Variants in LARGE1 observed in about 807,000 individuals in gnomAD.
LARGE1 encodes the protein LARGE xylosyl- and glucuronyltransferase 1.
Under a neutral mutation model 87.6 loss-of-function variants are expected in LARGE1, and 43 were observed. The ratio of observed to expected loss-of-function variants is 0.49; its 90% CI spans 0.38 to 0.63. The LOEUF is 0.63. LARGE1 is among the 30% of genes least tolerant of loss of function. LARGE1 has a pLI of 0.00. For missense variants in LARGE1, 802 were observed against 1,000.2 expected (o/e 0.80, Z 2.67); for synonymous variants, 434 against 394.6 (o/e 1.10, Z -1.18).
rs541485023 is a variant in LARGE1 at position 33,399,139 on chromosome 22, C to T, written c.893-14835G>A. ...TCCTAATTCTCTCCCTCCGCTTCCCCCCGCCCCGACCAAGAGGCCCCCATG... is the reference window on the plus strand; with the variant it reads ...TCCTAATTCTCTCCCTCCGCTTCCCTCCGCCCCGACCAAGAGGCCCCCATG... On this transcript the variant is annotated intron_variant, in intron 7 of 14. Coordinates refer to ENST00000397394, the MANE Select transcript of LARGE1 (RefSeq NM_133642.5). Among the ~76,000 whole-genome samples, 4 of 152,186 alleles carry T rather than the reference C, an allele frequency of 2.6e-5. No individual in the cohort carries two copies. The South Asian group carries it at 8.3e-4, about 32-fold the overall frequency.
chr22:33,330,135 C>T (rs926007382), intron 10 of LARGE1, among the ~76,000 whole-genome samples: 25 of 152,190 alleles, frequency 1.6e-4, no homozygotes, highest in African/African-American at 5.8e-4. Flanking sequence ...TTTCCAATAG[C>T]AGAGTAAGCT....
At chr22:33,875,647 T>C (rs1301604604) in intron 1 of LARGE1, among the ~76,000 whole-genome samples, 2 of 152,204 alleles carry the variant, frequency 1.3e-5, no homozygotes, top group Non-Finnish European at 2.9e-5. Flanking sequence ...AGGTGACCGA[T>C]GAATTTAGCT....
intron 6 of LARGE1, among the ~76,000 whole-genome samples, chr22:33,544,504 T>C (rs1159521804): frequency 6.6e-6 from 1 of 152,044 alleles, no homozygotes; most frequent in Non-Finnish European, 1.5e-5. Flanking sequence ...CTGGCCAACA[T>C]GGTGAAACTC....
At chr22:33,440,866 C>G (rs1299423687) in intron 6 of LARGE1, among the ~76,000 whole-genome samples, 1 of 152,140 alleles carries the variant, frequency 6.6e-6, no homozygotes. Context: ...GGATCACAGA[C>G]AGTCAGATGA....
At chr22:33,231,386 C>T (rs768702123) in intron 11 of LARGE1, among the ~76,000 whole-genome samples, 13 of 152,182 alleles carry the variant, frequency 8.5e-5, no homozygotes, top group Non-Finnish European at 1.5e-4. Flanking sequence ...CTTTGTACTT[C>T]AATACCTAAC....
At chr22:33,613,065 A>G (rs1187430453) in intron 4 of LARGE1, among the ~76,000 whole-genome samples, 1 of 152,164 alleles carries the variant, frequency 6.6e-6, no homozygotes, top group African/African-American at 2.4e-5. Flanking sequence ...AGCTTGCCTG[A>G]GAATATACAA....
the LARGE1 span, among the ~76,000 whole-genome samples, chr22:33,095,504 A>T: frequency 1.3e-5 from 2 of 152,184 alleles, no homozygotes; most frequent in African/African-American, 4.8e-5. Context: ...CTATTTCCAA[A>T]TGAGGTCATA....
chr22:33,342,941 C>CATAGAAT lies in LARGE1; in HGVS notation c.1132-5147_1132-5141dup, dbSNP rs1471923590. On this transcript the variant is annotated intron_variant, in intron 9 of 14. Coordinates refer to ENST00000397394, the MANE Select transcript of LARGE1 (RefSeq NM_133642.5). ...GCACCTGAGTTTTTAATCATCAGGA[C>CATAGAAT]ATAGAATACTCCATTACCTTGTGCT... Among the ~76,000 whole-genome samples the CATAGAAT allele has an allele frequency of 2.0e-5, 3 of 152,308 alleles. No homozygotes were observed. The East Asian group carries it at 5.8e-4, about 29-fold the overall frequency.
At chr22:33,554,521 G>A (rs743258) in intron 6 of LARGE1, among the ~76,000 whole-genome samples, 6,565 of 151,992 alleles carry the variant, frequency 0.043, 285 homozygotes, top group African/African-American at 0.11. Context: ...GTCCAAAACC[G>A]AACTCGCCGT....
chr22:33,485,240 G>A (rs150610451), intron 6 of LARGE1, among the ~76,000 whole-genome samples: 2,452 of 146,920 alleles, frequency 0.017, 22 homozygotes, highest in Non-Finnish European at 0.027. Context: ...TTGAGACAGA[G>A]TCTTGCTCTG....
chr22:33,367,261 T>C (rs1001223), intron 9 of LARGE1, among the ~76,000 whole-genome samples: 31,870 of 151,974 alleles, frequency 0.21, 8,147 homozygotes, highest in African/African-American at 0.61. Flanking sequence ...TGGAATTAGG[T>C]GCCCCTATTC....
At chr22:33,662,607 T>C (rs1475843958) in intron 2 of LARGE1, among the ~76,000 whole-genome samples, 1 of 151,926 alleles carries the variant, frequency 6.6e-6, no homozygotes, top group Non-Finnish European at 1.5e-5. Flanking sequence ...ATGGGGCTGG[T>C]AAAAAGAGGA....
intron 2 of LARGE1, among the ~76,000 whole-genome samples, chr22:33,675,293 A>AC: frequency 4.0e-5 from 1 of 24,874 alleles, no homozygotes; most frequent in East Asian, 1.2e-3. Context: ...AAACTCCATC[A>AC]AAAAAAAAAA....
At chr22:33,403,731 G>A (rs184115889) in intron 7 of LARGE1, among the ~76,000 whole-genome samples, 1 of 152,160 alleles carries the variant, frequency 6.6e-6, no homozygotes, top group African/African-American at 2.4e-5. Flanking sequence ...AGCCTCCCGA[G>A]TAGCTGGGAT....
intron 2 of LARGE1, among the ~76,000 whole-genome samples, chr22:33,708,805 C>T (rs368401812): frequency 6.6e-6 from 1 of 152,112 alleles, no homozygotes; most frequent in Non-Finnish European, 1.5e-5. Flanking sequence ...TTCACGATGT[C>T]GGTCAGGCTG....
chr22:33,556,711 GA>G (rs60477218), intron 6 of LARGE1, among the ~76,000 whole-genome samples: 19,045 of 143,240 alleles, frequency 0.13, 1,322 homozygotes, highest in Non-Finnish European at 0.15. Context: ...TGAAGAACAA[GA>G]AAAAAAAAAA....
At chr22:33,240,342 T>C (rs1369881374) in intron 11 of LARGE1, among the ~76,000 whole-genome samples, 1 of 152,254 alleles carries the variant, frequency 6.6e-6, no homozygotes, top group Non-Finnish European at 1.5e-5. Context: ...CTTCTTATTA[T>C]TGATTTGAAA....
chr22:33,824,352 G>A (rs1358255873), intron 1 of LARGE1, among the ~76,000 whole-genome samples: 1 of 152,170 alleles, frequency 6.6e-6, no homozygotes, highest in Non-Finnish European at 1.5e-5. Context: ...GGGGAAGCAA[G>A]CATGCCTTCA....
chr22:33,456,389 A>C (rs1355326219), intron 6 of LARGE1, among the ~76,000 whole-genome samples: 1 of 152,164 alleles, frequency 6.6e-6, no homozygotes, highest in Non-Finnish European at 1.5e-5. Flanking sequence ...GGTACTGTGA[A>C]TCTTTCTTGG....
Sources: gnomAD v4.1 joint callset for allele counts (sites outside exome capture counted in the v4.1 genomes callset) on GRCh38, gnomAD v4.1.1 for gene constraint, MANE v1.5 for transcripts, NCBI Gene and HGNC (gene_info 2026-07-23, HGNC 2026-07-21) for gene names.